The following APBA1 variants were observed in gnomAD, a reference collection of about 807,000 sequenced individuals.
APBA1 encodes the protein amyloid beta precursor protein binding family A member 1, also known as amyloid-beta A4 precursor protein-binding family A member 1.
Under a neutral mutation model 86.6 loss-of-function variants are expected in APBA1, and 55 were observed. The ratio of observed to expected loss-of-function variants is 0.64; its 90% confidence interval spans 0.51 to 0.80. The LOEUF (loss-of-function observed/expected upper bound fraction) is 0.80. APBA1 is among the 30% of genes least tolerant of loss of function. The pLI is 0.00. For synonymous variants in APBA1, 511 were observed against 493.9 expected, an observed-to-expected ratio of 1.03 and a Z score of -0.46; for missense variants, 1,090 against 1,183.0, an observed-to-expected ratio of 0.92 and a Z score of 1.15.
intron 1 of APBA1, among the ~76,000 whole-genome samples, chr9:69,612,456 G>T (rs1822608977): frequency 1.3e-5 from 2 of 151,934 alleles, no homozygotes; most frequent in Admixed American, 1.3e-4. Flanking sequence ...AACATAAATT[G>T]CTGAACATAA....
At chr9:69,575,489 G>A (rs1588372960) in intron 1 of APBA1, among the ~76,000 whole-genome samples, 1 of 152,072 alleles carries the variant, frequency 6.6e-6, no homozygotes, top group African/African-American at 2.4e-5. Context: ...AAACAGCATG[G>A]TACTGGTACC....
intron 1 of APBA1, among the ~76,000 whole-genome samples, chr9:69,549,253 T>G (rs1836746889): frequency 6.6e-6 from 1 of 152,170 alleles, no homozygotes; most frequent in Non-Finnish European, 1.5e-5. Context: ...AAGAGTGGGC[T>G]GGCTGTCAGT....
intron 1 of APBA1, among the ~76,000 whole-genome samples, chr9:69,537,327 C>A (rs1564070417): frequency 6.6e-6 from 1 of 152,046 alleles, no homozygotes; most frequent in Non-Finnish European, 1.5e-5. Context: ...ATCAAACTGT[C>A]TTACGAATAC....
chr9:69,456,752 T>C (rs1445706742), intron 7 of APBA1, among the ~76,000 whole-genome samples: 1 of 152,120 alleles, frequency 6.6e-6, no homozygotes, highest in Non-Finnish European at 1.5e-5. Context: ...TGTGCGTGAA[T>C]GTAAGAGATT....
chr9:69,498,634 A>T (rs1406234006), intron 2 of APBA1, among the ~76,000 whole-genome samples: 2 of 152,136 alleles, frequency 1.3e-5, no homozygotes, highest in Non-Finnish European at 2.9e-5. Flanking sequence ...TCTATCTGTC[A>T]TTGCTGTATC....
chr9:69,586,674 A>G (rs1300526434), intron 1 of APBA1, among the ~76,000 whole-genome samples: 1 of 152,170 alleles, frequency 6.6e-6, no homozygotes, highest in Non-Finnish European at 1.5e-5. Context: ...GACTAGGAGG[A>G]ACAGTTGGTG....
intron 10 of APBA1, among the ~76,000 whole-genome samples, chr9:69,447,863 A>G (rs1331307389): frequency 2.7e-5 from 4 of 149,496 alleles, no homozygotes; most frequent in African/African-American, 5.1e-5. Flanking sequence ...TTCTCCTCAA[A>G]CCGACCAAGC....
chr9:69,463,029 A>G (rs1307385690), intron 5 of APBA1: 1 of 152,198 alleles, frequency 6.6e-6, no homozygotes, highest in African/African-American at 2.4e-5. Context: ...ATTACTTCTC[A>G]AAAATGATGA....
chr9:69,445,271 T>C (rs1834888290), intron 10 of APBA1, among the ~76,000 whole-genome samples: 1 of 152,122 alleles, frequency 6.6e-6, no homozygotes, highest in South Asian at 2.1e-4. Flanking sequence ...TTGGGGAAAA[T>C]GTGTTGCAAG....
intron 1 of APBA1, among the ~76,000 whole-genome samples, chr9:69,528,066 G>A (rs1451287959): frequency 6.6e-6 from 1 of 152,064 alleles, no homozygotes; most frequent in Non-Finnish European, 1.5e-5. Context: ...CCAAAAGATG[G>A]CTTTAAAAAT....
rs571756279 is a variant in APBA1 at position 69,576,776 on chromosome 9, C to T, written c.-69-59497G>A. Among the ~76,000 whole-genome samples the T allele has an allele frequency of 2.5e-3, 386 of 152,232 alleles. 3 individuals are homozygous for T. Among genetic ancestry groups the T allele is most frequent in the Non-Finnish European group, 4.7e-3 (318 of 68,030 alleles). On this transcript the variant is annotated intron_variant, in intron 1 of 12. Transcript: ENST00000265381. ...ATGTTAAATGATAAGTTAATGGGTG[C>T]AGCACACCAACATGGCACATGTATA...
intron 10 of APBA1, among the ~76,000 whole-genome samples, chr9:69,445,359 T>C (rs1423458306): frequency 6.6e-6 from 1 of 152,216 alleles, no homozygotes; most frequent in African/African-American, 2.4e-5. Flanking sequence ...TGTTTCATGT[T>C]GGGTCCCATT....
intron 11 of APBA1, among the ~76,000 whole-genome samples, chr9:69,439,837 C>T (rs993012670): frequency 2.0e-5 from 3 of 152,302 alleles, no homozygotes; most frequent in African/African-American, 7.2e-5. Flanking sequence ...GAGCTGTGTT[C>T]CTTTGCAGGA....
intron 2 of APBA1, among the ~76,000 whole-genome samples, chr9:69,503,404 A>G (rs1835907658): frequency 6.6e-6 from 1 of 152,050 alleles, no homozygotes. Flanking sequence ...GCATGTTTAT[A>G]CTGCCTCACC....
chr9:69,552,081 T>C (rs1238603463), intron 1 of APBA1, among the ~76,000 whole-genome samples: 1 of 152,162 alleles, frequency 6.6e-6, no homozygotes, highest in Non-Finnish European at 1.5e-5. Context: ...TGCAGAAGTG[T>C]TGGGAATATG....
At chr9:69,643,335 A>G (rs1823326064) in intron 1 of APBA1, among the ~76,000 whole-genome samples, 1 of 152,168 alleles carries the variant, frequency 6.6e-6, no homozygotes. Flanking sequence ...CTGGCATACA[A>G]TGGGGTCAGA....
At chr9:69,634,144 A>AAGAC (rs747429512) in intron 1 of APBA1, among the ~76,000 whole-genome samples, 17 of 152,324 alleles carry the variant, frequency 1.1e-4, no homozygotes, top group Admixed American at 5.9e-4. Flanking sequence ...GAGGGTAGGA[A>AAGAC]AGACAGTCTT....
chr9:69,593,983 A>G (rs1009047786), intron 1 of APBA1, among the ~76,000 whole-genome samples: 2 of 152,192 alleles, frequency 1.3e-5, no homozygotes, highest in African/African-American at 2.4e-5. Flanking sequence ...TTACATTTGC[A>G]TAACAGCAGA....
chr9:69,488,759 G>A (rs1268624414), intron 2 of APBA1, among the ~76,000 whole-genome samples: 1 of 152,140 alleles, frequency 6.6e-6, no homozygotes, highest in Non-Finnish European at 1.5e-5. Context: ...CTGGAATAAA[G>A]CTTGTTAATA....
Sources: gnomAD v4.1 joint callset for allele counts (sites outside exome capture counted in the v4.1 genomes callset) on GRCh38, gnomAD v4.1.1 for gene constraint, MANE v1.5 for transcripts, NCBI Gene and HGNC (gene_info 2026-07-23, HGNC 2026-07-21) for gene names.